The following BRDT variants were observed in gnomAD, a reference collection of about 807,000 sequenced individuals.
BRDT encodes the protein bromodomain testis-specific protein.
Under a neutral mutation model 113.9 loss-of-function variants are expected in BRDT, and 77 were observed. The ratio of observed to expected loss-of-function variants is 0.68; its 90% CI spans 0.56 to 0.82. BRDT has a LOEUF of 0.82. Among genes scored for constraint, BRDT ranks in the 40% least tolerant of loss-of-function variants. The pLI is 0.00. For missense variants in BRDT, 1,027 were observed against 1,105.4 expected (o/e 0.93, Z 1.01); for synonymous variants, 358 against 366.5 (o/e 0.98, Z 0.26).
chr1:91,972,726 C>T (rs1470201469), intron 4 of BRDT, among the ~76,000 whole-genome samples: 1 of 152,182 alleles, frequency 6.6e-6, no homozygotes, highest in Non-Finnish European at 1.5e-5. Context: ...CTATGCATAT[C>T]TAATTAGCTC....
intron 15 of BRDT, 44 bp from the exon 16 acceptor site, chr1:92,002,005 A>G: frequency 1.4e-6 from 2 of 1,392,014 alleles, no homozygotes; most frequent in Non-Finnish European, 2.0e-6. Context: ...GGTAAGTAGG[A>G]TGAAATATTT....
At chr1:91,981,901 C>T (rs1479581480) in intron 12 of BRDT, 146 bp downstream of exon 12, 2 of 1,175,538 alleles carry the variant, frequency 1.7e-6, no homozygotes, top group Non-Finnish European at 2.3e-6. Flanking sequence ...TGTTGACAAT[C>T]TTAGTATTTT....
chr1:92,001,560 G>A (rs1027308562), intron 15 of BRDT, among the ~76,000 whole-genome samples: 2 of 152,142 alleles, frequency 1.3e-5, no homozygotes, highest in Non-Finnish European at 2.9e-5. Flanking sequence ...ACCAGGCATG[G>A]TGGTGGGTGC....
intron 15 of BRDT, among the ~76,000 whole-genome samples, chr1:91,995,413 G>C (rs1229465132): frequency 0.099 from 881 of 8,864 alleles, 10 homozygotes; most frequent in Non-Finnish European, 0.18. Context: ...CTGTGTGTGT[G>C]TGTGTGTGTG....
chr1:91,997,545 G>C (rs543336093), intron 15 of BRDT, among the ~76,000 whole-genome samples: 1 of 152,132 alleles, frequency 6.6e-6, no homozygotes, highest in African/African-American at 2.4e-5. Context: ...AAAAGGAATA[G>C]ATTATGAAAA....
At chr1:91,968,294 C>T (rs1557816660) in intron 4 of BRDT, 34 bp downstream of exon 4, 4 of 1,603,996 alleles carry the variant, frequency 2.5e-6, no homozygotes, top group Non-Finnish European at 1.7e-6. Context: ...ATGGTTCTCT[C>T]TCTTTTTTTC....
intron 15 of BRDT, among the ~76,000 whole-genome samples, chr1:91,995,182 A>G (rs1458359861): frequency 6.6e-6 from 1 of 152,098 alleles, no homozygotes; most frequent in African/African-American, 2.4e-5. Flanking sequence ...ACCTTGAGAC[A>G]CTAATGTATT....
At position 91,962,796 on chromosome 1, in the gene BRDT, T is replaced by C. The variant is rs953489700; in HGVS notation, c.42T>C (p.Pro14=). 6.2e-7 allele frequency: 1 copy of C among 1,606,916 alleles called. No homozygotes were observed. The highest frequency in any genetic ancestry group is 1.3e-5 in the African/African-American group (1 of 74,482). ...GACAAACAGCTATTATTGTTAACCC[T>C]CCTCCACCAGAATATATAAATACTA... The part of the protein sequence containing the change: ...PSRQTAIIVN[P]PPPEYINTKK... Residue 14 remains proline, a synonymous_variant, in exon 2 of 19, where the codon CCT becomes CCC. Transcript: ENST00000399546.
At chr1:92,012,205 G>A (rs866612828) in intron 18 of BRDT, among the ~76,000 whole-genome samples, 2 of 151,476 alleles carry the variant, frequency 1.3e-5, no homozygotes, top group South Asian at 4.2e-4. Flanking sequence ...GGCTGAGGCA[G>A]AAGAATCATT....
At chr1:92,013,858 G>A (rs995885511) in intron 18 of BRDT, among the ~76,000 whole-genome samples, 2 of 152,194 alleles carry the variant, frequency 1.3e-5, no homozygotes, top group African/African-American at 4.8e-5. Flanking sequence ...GCTGGGTTTA[G>A]AAGTAAGACA....
rs534819562 is a variant in BRDT at position 91,978,185 on chromosome 1, A to G, written c.987A>G (p.Gln329=). 1.2e-6 allele frequency: 2 copies of G among 1,613,070 alleles called. No homozygotes were observed. The highest frequency in any genetic ancestry group is 1.1e-5 in the South Asian group (1 of 90,962). The change falls in exon 7 of 19, where the codon CAA becomes CAG. Residue 329 remains glutamine, a synonymous_variant. Transcript: ENST00000399546. ...TAATTTAGGAGAAAATGGATAACCA[A>G]GAATATAAGGATGCATACAAATTTG... is the stretch of plus-strand genomic sequence containing the variant. ...LGTIKEKMDN[Q]EYKDAYKFAA...
chr1:91,964,081 GAC>G (rs1360156981), intron 2 of BRDT, among the ~76,000 whole-genome samples: 4 of 151,862 alleles, frequency 2.6e-5, no homozygotes, highest in Admixed American at 2.6e-4. Flanking sequence ...TGTTTTTTGA[GAC>G]AGAGTCTCGC....
At chr1:91,957,947 C>A (rs1681975204) in intron 1 of BRDT, among the ~76,000 whole-genome samples, 1 of 152,060 alleles carries the variant, frequency 6.6e-6, no homozygotes, top group African/African-American at 2.4e-5. Flanking sequence ...TAAAGCAATT[C>A]TTGTGCCTCA....
chr1:91,981,535 T>C lies in BRDT; in HGVS notation c.1865-83T>C, dbSNP rs1056480548. ...CTGAGATTACAGGCATGCGCGACCA[T>C]GCCCAGCCTAGGTGGCAGTTTTTAA... On this transcript the variant is annotated intron_variant, in intron 11 of 18. Transcript: ENST00000399546. 3.2e-6 allele frequency: 5 copies of C among 1,578,204 alleles called. No homozygotes were observed. In the African/African-American group the frequency reaches 6.7e-5, roughly 21 times the overall value.
intron 3 of BRDT, among the ~76,000 whole-genome samples, chr1:91,967,649 C>T (rs908828009): frequency 2.6e-5 from 4 of 152,130 alleles, no homozygotes; most frequent in Non-Finnish European, 5.9e-5. Flanking sequence ...CCGCCCGCTT[C>T]GGCCTCCCAA....
In BRDT at chr1:91,978,122, A is replaced by C. The variant is rs1482955032; in HGVS notation, c.970-46A>C. 2.0e-6 allele frequency: 3 copies of C among 1,522,472 alleles called. No homozygotes were observed. In the African/African-American group the frequency reaches 4.1e-5, roughly 21 times the overall value. The allele number at this position is 1,522,472 out of a possible 1,614,324, so 94.3% of individuals were successfully genotyped here. ...ATTTAATGTACGTGGTCAAATAATT[A>C]TTGAATTGAACTATTTGTGAATCCT... On this transcript the variant is annotated intron_variant, in intron 6 of 18. Transcript: ENST00000399546.
intron 18 of BRDT, among the ~76,000 whole-genome samples, chr1:92,007,696 G>A (rs1262758536): frequency 6.6e-6 from 1 of 152,078 alleles, no homozygotes; most frequent in Non-Finnish European, 1.5e-5. Context: ...CTTAATCGCA[G>A]TCTGCTTTCA....
intron 4 of BRDT, among the ~76,000 whole-genome samples, chr1:91,975,392 T>G (rs997306035): frequency 2.6e-5 from 4 of 152,206 alleles, no homozygotes; most frequent in Non-Finnish European, 1.5e-5. Flanking sequence ...TTAGCGAGAT[T>G]ACAAGCCATC....
intron 18 of BRDT, among the ~76,000 whole-genome samples, chr1:92,007,547 G>C (rs1380190876): frequency 7.9e-5 from 12 of 152,130 alleles, no homozygotes; most frequent in Non-Finnish European, 1.6e-4. Context: ...TTCCATCCAT[G>C]TTCCTGCAAG....
Sources: allele counts gnomAD v4.1 joint callset (sites outside exome capture counted in the v4.1 genomes callset), GRCh38; gene constraint gnomAD v4.1.1; transcripts MANE v1.5; gene names NCBI Gene and HGNC (gene_info 2026-07-23, HGNC 2026-07-21).